Variants in PID1 observed in about 807,000 individuals in gnomAD.
The protein encoded by PID1 is phosphotyrosine interaction domain containing 1, also known as PTB-containing, cubilin and LRP1-interacting protein.
Under a neutral mutation model 19.1 loss-of-function variants are expected in PID1, and 10 were observed. The ratio of observed to expected loss-of-function variants is 0.52; its 90% CI spans 0.32 to 0.89. The LOEUF is 0.89. Among genes scored for constraint, PID1 ranks in the 40% least tolerant of loss-of-function variants. The probability of loss-of-function intolerance (pLI) is 0.03; values close to 1 mark genes in which losing one functional copy is unlikely to be tolerated. For missense variants in PID1, 248 were observed against 285.3 expected (o/e 0.87, Z 0.94); for synonymous variants, 130 against 116.0 (o/e 1.12, Z -0.78).
chr2:229,264,261 G>T (rs1385885943), intron 1 of PID1, among the ~76,000 whole-genome samples: 1 of 152,122 alleles, frequency 6.6e-6, no homozygotes, highest in Non-Finnish European at 1.5e-5. Flanking sequence ...CAACTCAGTA[G>T]TATACATGAA....
At chr2:229,100,798 G>A (rs1432225621) in intron 2 of PID1, among the ~76,000 whole-genome samples, 1 of 152,168 alleles carries the variant, frequency 6.6e-6, no homozygotes, top group Non-Finnish European at 1.5e-5. Context: ...TGCAAACAAT[G>A]ATCAGAAACA....
intron 1 of PID1, among the ~76,000 whole-genome samples, chr2:229,161,076 C>A (rs1351379758): frequency 6.6e-6 from 1 of 152,146 alleles, no homozygotes; most frequent in Non-Finnish European, 1.5e-5. Flanking sequence ...AAAGAATATG[C>A]AACATGACAC....
chr2:229,083,890 G>C (rs1294009073), intron 2 of PID1, among the ~76,000 whole-genome samples: 3 of 152,184 alleles, frequency 2.0e-5, no homozygotes, highest in Non-Finnish European at 2.9e-5. Flanking sequence ...AGATGTAAAG[G>C]TTGACTGAAA....
intron 1 of PID1, among the ~76,000 whole-genome samples, chr2:229,206,602 G>C (rs1465361394): frequency 1.3e-5 from 2 of 152,132 alleles, no homozygotes; most frequent in Non-Finnish European, 2.9e-5. Context: ...CCCAATTCTA[G>C]CTCTTTAACC....
chr2:229,158,613 A>G (rs1559262210), intron 1 of PID1, among the ~76,000 whole-genome samples: 1 of 152,216 alleles, frequency 6.6e-6, no homozygotes, highest in Non-Finnish European at 1.5e-5. Context: ...TATTAAAAAA[A>G]AAAAGAAAAC....
At chr2:229,260,038 G>A (rs1690415024) in intron 1 of PID1, among the ~76,000 whole-genome samples, 1 of 152,088 alleles carries the variant, frequency 6.6e-6, no homozygotes, top group Non-Finnish European at 1.5e-5. Context: ...TGTTACAGCA[G>A]CCCCCAAGCA....
chr2:229,227,074 C>T (rs1426132258), intron 1 of PID1, among the ~76,000 whole-genome samples: 1 of 152,156 alleles, frequency 6.6e-6, no homozygotes, highest in Non-Finnish European at 1.5e-5. Context: ...GCAAACTAAA[C>T]ACATATGCAC....
intron 1 of PID1, among the ~76,000 whole-genome samples, chr2:229,196,019 A>G (rs1161351671): frequency 1.3e-5 from 2 of 152,114 alleles, no homozygotes; most frequent in African/African-American, 2.4e-5. Flanking sequence ...AGGAGAACTG[A>G]CCACTAAACC....
chr2:229,253,733 C>T (rs1437565393), intron 1 of PID1, among the ~76,000 whole-genome samples: 1 of 152,172 alleles, frequency 6.6e-6, no homozygotes, highest in East Asian at 1.9e-4. Context: ...AGCATGGCTC[C>T]TTCACTTTTC....
intron 1 of PID1, among the ~76,000 whole-genome samples, chr2:229,202,111 A>T (rs1691510667): frequency 1.3e-5 from 2 of 152,106 alleles, no homozygotes; most frequent in Non-Finnish European, 2.9e-5. Context: ...AAACTCTCAC[A>T]ATTCTGGGAA....
chr2:229,225,811 C>T (rs1048306869), intron 1 of PID1, among the ~76,000 whole-genome samples: 1 of 152,080 alleles, frequency 6.6e-6, no homozygotes. Flanking sequence ...GGGAAAAGTT[C>T]CCTATAAAAC....
intron 2 of PID1, among the ~76,000 whole-genome samples, chr2:229,056,734 G>A (rs1046280374): frequency 7.9e-5 from 12 of 151,680 alleles, no homozygotes; most frequent in South Asian, 4.2e-4. Context: ...CATTTCTTGC[G>A]AAAATCAATT....
At chr2:229,206,404 T>C (rs1268438386) in intron 1 of PID1, among the ~76,000 whole-genome samples, 2 of 152,032 alleles carry the variant, frequency 1.3e-5, no homozygotes, top group African/African-American at 2.4e-5. Context: ...CAATAAACAA[T>C]GTATAAGAAA....
At position 229,025,476 on chromosome 2, in the gene PID1, A is replaced by ATTTC; in HGVS notation, c.*152_*155dup. ...TGTAACGTAATTACTTTAATGATAC[A>ATTTC]TTTCTTTAGATTTAGAATTGCTCTT... is the stretch of plus-strand genomic sequence containing the variant. On this transcript the variant is annotated 3_prime_UTR_variant, in exon 3 of 3. Coordinates refer to ENST00000392055, the MANE Select transcript of PID1 (RefSeq NM_001100818.2). The ATTTC allele has an allele frequency of 1.5e-6, 1 of 646,514 alleles. No homozygotes were observed. The highest frequency in any genetic ancestry group is 2.6e-5 in the Admixed American group (1 of 37,932). The allele number at this position is 646,514 out of a possible 1,614,324, so 40.0% of individuals were successfully genotyped here.
chr2:229,231,775 G>A (rs1240930740), intron 1 of PID1: 4 of 1,308,604 alleles, frequency 3.1e-6, no homozygotes, highest in South Asian at 3.0e-5. Context: ...CCATGGATGT[G>A]TCTCAATAGT....
chr2:229,191,831 G>A (rs1171281680), intron 1 of PID1, among the ~76,000 whole-genome samples: 2 of 152,106 alleles, frequency 1.3e-5, no homozygotes, highest in Non-Finnish European at 2.9e-5. Context: ...TCACAAACAG[G>A]TTTAGAAAAT....
At chr2:229,267,340 C>T (rs917412706) in intron 1 of PID1, among the ~76,000 whole-genome samples, 21 of 152,220 alleles carry the variant, frequency 1.4e-4, no homozygotes, top group African/African-American at 5.1e-4. Flanking sequence ...GGCTGCAAAA[C>T]TCAAATCCAG....
intron 1 of PID1, among the ~76,000 whole-genome samples, chr2:229,204,263 C>A (rs1691558661): frequency 6.6e-6 from 1 of 151,998 alleles, no homozygotes. Context: ...ATGAGAGTGA[C>A]TTTTAAATGA....
At chr2:229,071,902 T>C (rs1475332189) in intron 2 of PID1, among the ~76,000 whole-genome samples, 4 of 152,240 alleles carry the variant, frequency 2.6e-5, no homozygotes, top group Non-Finnish European at 5.9e-5. Flanking sequence ...TATTTTCTCA[T>C]AGAATGGAAA....
Sources: allele counts gnomAD v4.1 joint callset (sites outside exome capture counted in the v4.1 genomes callset), GRCh38; gene constraint gnomAD v4.1.1; transcripts MANE v1.5; gene names NCBI Gene and HGNC (gene_info 2026-07-23, HGNC 2026-07-21).